Variants in KREMEN1 observed in about 807,000 individuals in gnomAD.
KREMEN1 encodes kremen protein 1.
A neutral mutation model predicts 46.5 loss-of-function variants in KREMEN1; 30 were observed. That is an observed-to-expected ratio of 0.65 (90% CI 0.48 to 0.88). The LOEUF is 0.88. Ranked by LOEUF, KREMEN1 falls within the 40% of genes least tolerant of loss-of-function variation. KREMEN1 has a pLI of 0.00. For synonymous variants in KREMEN1, 214 were observed against 230.6 expected (o/e 0.93, Z 0.65); for missense variants, 533 against 596.9 (o/e 0.89, Z 1.11).
At chr22:29,095,305 A>G (rs1569316434) in intron 2 of KREMEN1, among the ~76,000 whole-genome samples, 1 of 152,314 alleles carries the variant, frequency 6.6e-6, no homozygotes, top group Admixed American at 6.5e-5. Context: ...CCTGACATCT[A>G]TGGTGCTTCA....
chr22:29,104,753 G>A (rs1026586040), intron 3 of KREMEN1, among the ~76,000 whole-genome samples: 1 of 152,102 alleles, frequency 6.6e-6, no homozygotes, highest in Non-Finnish European at 1.5e-5. Flanking sequence ...AATAAACTGG[G>A]CGTGGTGGTG....
intron 4 of KREMEN1, 47 bp from the exon 5 acceptor site, chr22:29,125,216 G>T: frequency 6.3e-7 from 1 of 1,599,714 alleles, no homozygotes; most frequent in South Asian, 1.1e-5. Context: ...CAGGCCATCT[G>T]ACATCCCTGA....
At chr22:29,112,685 T>G (rs1017509204) in intron 3 of KREMEN1, among the ~76,000 whole-genome samples, 5 of 152,202 alleles carry the variant, frequency 3.3e-5, no homozygotes, top group African/African-American at 1.2e-4. Context: ...TAAGATAATT[T>G]TTTAAAAATT....
At chr22:29,079,778 A>G (rs989147256) in intron 1 of KREMEN1, among the ~76,000 whole-genome samples, 3 of 152,228 alleles carry the variant, frequency 2.0e-5, no homozygotes, top group African/African-American at 4.8e-5. Context: ...GACATATTAG[A>G]TGGCTGTACA....
chr22:29,105,092 G>A (rs1048409958), intron 3 of KREMEN1, among the ~76,000 whole-genome samples: 2 of 152,114 alleles, frequency 1.3e-5, no homozygotes, highest in African/African-American at 4.8e-5. Context: ...AAGCATATGC[G>A]AGATACTCTA....
At chr22:29,077,935 G>A (rs1828246992) in intron 1 of KREMEN1, among the ~76,000 whole-genome samples, 1 of 152,124 alleles carries the variant, frequency 6.6e-6, no homozygotes, top group Admixed American at 6.6e-5. Context: ...GGAAAAGTTT[G>A]TGCACGTACA....
At chr22:29,108,489 GT>G (rs1043753426) in intron 3 of KREMEN1, among the ~76,000 whole-genome samples, 1 of 151,984 alleles carries the variant, frequency 6.6e-6, no homozygotes, top group Admixed American at 6.6e-5. Context: ...GCCTTCCAGA[GT>G]TTTTTTTGAA....
At chr22:29,093,187 T>C (rs2037828961) in intron 1 of KREMEN1, among the ~76,000 whole-genome samples, 1 of 152,130 alleles carries the variant, frequency 6.6e-6, no homozygotes. Flanking sequence ...TTCACACGCT[T>C]AGACTGGAGT....
At chr22:29,121,027 A>G (rs1395210945) in intron 3 of KREMEN1, among the ~76,000 whole-genome samples, 2 of 151,798 alleles carry the variant, frequency 1.3e-5, no homozygotes, top group Non-Finnish European at 2.9e-5. Flanking sequence ...AATTTACATT[A>G]TTGGAGTCTT....
chr22:29,157,671 T>C (rs1363684183), intron 9 of KREMEN1, among the ~76,000 whole-genome samples: 1 of 152,198 alleles, frequency 6.6e-6, no homozygotes, highest in Non-Finnish European at 1.5e-5. Context: ...GCCAATGTCA[T>C]GTCCATGGCT....
intron 3 of KREMEN1, among the ~76,000 whole-genome samples, chr22:29,116,465 A>G (rs984768712): frequency 1.3e-5 from 2 of 152,202 alleles, no homozygotes; most frequent in African/African-American, 4.8e-5. Context: ...TCTGATTCCC[A>G]GTGATCTACC....
At chr22:29,160,718 T>TGCA (rs2039003577) in intron 9 of KREMEN1, among the ~76,000 whole-genome samples, 1 of 152,158 alleles carries the variant, frequency 6.6e-6, no homozygotes, top group Admixed American at 6.5e-5. Context: ...ATCTCTGGGA[T>TGCA]GCAGCAAAAG....
Position 29,143,114 on chromosome 22 carries a change from C to G in KREMEN1, c.*1002C>G, listed in dbSNP as rs2038795197. 1 of 810,042 alleles carries G rather than the reference C, an allele frequency of 1.2e-6. No individual in the cohort carries two copies. Among genetic ancestry groups the G allele is most frequent in the Middle Eastern group, 6.3e-4 (1 of 1,594 alleles). The allele number at this position is 810,042 out of a possible 1,614,324, so 50.2% of individuals were successfully genotyped here. A position where few individuals can be genotyped will look rare whatever the true frequency, so the allele number is the denominator to read the frequency against. On this transcript the variant is annotated 3_prime_UTR_variant, in exon 9 of 9. Coordinates refer to ENST00000400335, the MANE Select transcript of KREMEN1 (RefSeq NM_001039570.3). ...GCAGTGAGCCGAGATCGCACCACTG[C>G]ACTCCAGCCTGGGTGACAAGAGTGA...
At position 29,095,189 on chromosome 22, in the gene KREMEN1, C is replaced by T. The variant is rs183936111; in HGVS notation, c.260+769C>T. On this transcript the variant is annotated intron_variant, in intron 2 of 8. Coordinates refer to ENST00000400335, the MANE Select transcript of KREMEN1 (RefSeq NM_001039570.3). ...CCGGCCAGCCCAGGATAACCTTGCT[C>T]TGGGAACAGCTGTATCCATCAGATG... 4.0e-3 allele frequency among the ~76,000 whole-genome samples: 604 copies of T among 152,316 alleles called. 4 individuals carry two copies. The highest frequency in any genetic ancestry group is 0.014 in the African/African-American group (582 of 41,566).
intron 2 of KREMEN1, among the ~76,000 whole-genome samples, chr22:29,096,021 T>C (rs2145766168): frequency 6.6e-6 from 1 of 152,356 alleles, no homozygotes; most frequent in East Asian, 1.9e-4. Flanking sequence ...CACATTTTGC[T>C]ATCTGTTGTA....
At chr22:29,094,625 TC>T (rs1452875757) in intron 2 of KREMEN1, among the ~76,000 whole-genome samples, 1 of 119,894 alleles carries the variant, frequency 8.3e-6, no homozygotes, top group African/African-American at 2.8e-5. Flanking sequence ...AATTTACCAC[TC>T]TTTTTTTTTT....
intron 3 of KREMEN1, among the ~76,000 whole-genome samples, chr22:29,114,048 C>G (rs955484711): frequency 3.3e-5 from 5 of 152,092 alleles, no homozygotes; most frequent in African/African-American, 1.2e-4. Context: ...ATGTTTGTCC[C>G]CCACCCACCC....
intron 5 of KREMEN1, among the ~76,000 whole-genome samples, chr22:29,133,064 C>T (rs191041670): frequency 3.9e-5 from 6 of 151,928 alleles, no homozygotes; most frequent in South Asian, 2.1e-4. Context: ...CTGGCGAACA[C>T]GGTGAAACCC....
intron 5 of KREMEN1, among the ~76,000 whole-genome samples, chr22:29,137,114 ACAC>A (rs2145843400): frequency 6.6e-6 from 1 of 152,272 alleles, no homozygotes; most frequent in South Asian, 2.1e-4. Context: ...AACCTAGGCC[ACAC>A]CACTGTGCTG....
Sources: allele counts gnomAD v4.1 joint callset (sites outside exome capture counted in the v4.1 genomes callset), GRCh38; gene constraint gnomAD v4.1.1; transcripts MANE v1.5; gene names NCBI Gene and HGNC (gene_info 2026-07-23, HGNC 2026-07-21).